The following HEMK2 variants were observed in gnomAD, a reference collection of about 807,000 sequenced individuals.
The protein encoded by HEMK2 is methyltransferase HEMK2.
chr21:28,710,540 A>C, the HEMK2 span, among the ~76,000 whole-genome samples: 4 of 152,232 alleles, frequency 2.6e-5, no homozygotes, highest in Non-Finnish European at 4.4e-5. Flanking sequence ...TAAATACTTT[A>C]TAACTCAGGC....
the HEMK2 span, among the ~76,000 whole-genome samples, chr21:28,683,407 CTG>C: frequency 6.6e-6 from 1 of 152,216 alleles, no homozygotes; most frequent in African/African-American, 2.4e-5. Flanking sequence ...ATCTGAAACA[CTG>C]TGATGAACAA....
the HEMK2 span, among the ~76,000 whole-genome samples, chr21:28,607,240 G>A: frequency 3.3e-5 from 5 of 151,782 alleles, no homozygotes; most frequent in African/African-American, 4.8e-5. Flanking sequence ...GTGCAACCCC[G>A]TCTCTACTAA....
At chr21:28,739,738 T>C in the HEMK2 span, among the ~76,000 whole-genome samples, 3 of 152,208 alleles carry the variant, frequency 2.0e-5, no homozygotes, top group East Asian at 5.8e-4. Context: ...AAATTAACAA[T>C]TCTGTTTTTC....
chr21:28,753,437 T>C, the HEMK2 span, among the ~76,000 whole-genome samples: 34 of 151,930 alleles, frequency 2.2e-4, no homozygotes, highest in African/African-American at 7.7e-4. Context: ...TACTAGAGCA[T>C]GTGCTTTCTT....
the HEMK2 span, among the ~76,000 whole-genome samples, chr21:28,868,256 C>T: frequency 0.84 from 127,580 of 152,166 alleles, 53,940 homozygotes; most frequent in South Asian, 0.93. Flanking sequence ...TCATTTGTTC[C>T]GGTTTTATGA....
chr21:28,845,918 T>C, the HEMK2 span, among the ~76,000 whole-genome samples: 711 of 152,232 alleles, frequency 4.7e-3, 6 homozygotes, highest in African/African-American at 0.016. Flanking sequence ...TAATACCCAA[T>C]AGGTAGTTTT....
At chr21:28,809,097 T>A in the HEMK2 span, among the ~76,000 whole-genome samples, 2 of 152,204 alleles carry the variant, frequency 1.3e-5, no homozygotes, top group Non-Finnish European at 2.9e-5. Flanking sequence ...AGGTGACATA[T>A]TCATCATAAT....
the HEMK2 span, among the ~76,000 whole-genome samples, chr21:28,841,062 A>T: frequency 8.3e-5 from 4 of 48,226 alleles, no homozygotes; most frequent in African/African-American, 3.8e-4. Context: ...TATTATATAT[A>T]AATAAATATT....
the HEMK2 span, among the ~76,000 whole-genome samples, chr21:28,586,536 T>G: frequency 8.1e-6 from 1 of 123,488 alleles, no homozygotes; most frequent in African/African-American, 2.8e-5. Context: ...GCTAAACAAC[T>G]ACCTCATTTG....
At chr21:28,768,527 T>C in the HEMK2 span, among the ~76,000 whole-genome samples, 5 of 152,086 alleles carry the variant, frequency 3.3e-5, no homozygotes, top group Admixed American at 3.3e-4. Flanking sequence ...TTATTCTCCC[T>C]TTCCTCAACT....
At chr21:28,841,672 A>G in the HEMK2 span, among the ~76,000 whole-genome samples, 2 of 150,484 alleles carry the variant, frequency 1.3e-5, no homozygotes, top group African/African-American at 2.4e-5. Flanking sequence ...TGCGGGGAAG[A>G]GTGGGAGGGG....
the HEMK2 span, among the ~76,000 whole-genome samples, chr21:28,859,334 G>A: frequency 6.6e-6 from 1 of 152,148 alleles, no homozygotes; most frequent in African/African-American, 2.4e-5. Flanking sequence ...TTTTATGGTA[G>A]GGATCCTCAA....
chr21:28,707,582 A>C, the HEMK2 span, among the ~76,000 whole-genome samples: 1 of 152,010 alleles, frequency 6.6e-6, no homozygotes, highest in Non-Finnish European at 1.5e-5. Flanking sequence ...TTTAACATAC[A>C]CCCTAGTAGA....
chr21:28,723,482 C>A, the HEMK2 span, among the ~76,000 whole-genome samples: 2 of 152,152 alleles, frequency 1.3e-5, no homozygotes, highest in South Asian at 4.1e-4. Flanking sequence ...CTCTCTGTTA[C>A]TTATTACCCT....
At chr21:28,758,230 G>A in the HEMK2 span, among the ~76,000 whole-genome samples, 13 of 152,190 alleles carry the variant, frequency 8.5e-5, no homozygotes, top group African/African-American at 2.2e-4. Flanking sequence ...TAGTATTCTA[G>A]TGTAGATGGA....
chr21:28,622,063 T>C, the HEMK2 span, among the ~76,000 whole-genome samples: 1 of 152,224 alleles, frequency 6.6e-6, no homozygotes. Flanking sequence ...TTTGAGCCTA[T>C]GTATGTCTTT....
the HEMK2 span, among the ~76,000 whole-genome samples, chr21:28,677,656 C>G: frequency 6.6e-6 from 1 of 152,196 alleles, no homozygotes. Flanking sequence ...CCAGTAGGGG[C>G]AGACTGACAC....
At chr21:28,736,870 T>C in the HEMK2 span, among the ~76,000 whole-genome samples, 3 of 152,182 alleles carry the variant, frequency 2.0e-5, no homozygotes, top group Non-Finnish European at 4.4e-5. Context: ...AAACTCAGAA[T>C]TGACAGTTAC....
the HEMK2 span, among the ~76,000 whole-genome samples, chr21:28,623,342 T>C: frequency 4.0e-4 from 61 of 152,302 alleles, no homozygotes; most frequent in Non-Finnish European, 8.4e-4. Flanking sequence ...CAACAGATGC[T>C]GGAGAGGATG....
Sources: gnomAD v4.1 joint callset for allele counts (sites outside exome capture counted in the v4.1 genomes callset) on GRCh38, gnomAD v4.1.1 for gene constraint, MANE v1.5 for transcripts, NCBI Gene and HGNC (gene_info 2026-07-23, HGNC 2026-07-21) for gene names.